Variants in HS3ST5 observed in about 807,000 individuals in gnomAD.
HS3ST5 encodes the protein heparan sulfate-glucosamine 3-sulfotransferase 5, also known as heparan sulfate glucosamine 3-O-sulfotransferase 5.
In HS3ST5, 10 loss-of-function variants were observed where a neutral mutation model predicts 25.4. The ratio of observed to expected loss-of-function variants is 0.39; its 90% CI spans 0.24 to 0.67. The LOEUF (loss-of-function observed/expected upper bound fraction) is 0.67. Ranked by LOEUF, HS3ST5 falls within the 30% of genes least tolerant of loss-of-function variation. HS3ST5 has a pLI of 0.44. For synonymous variants in HS3ST5, 170 were observed against 162.4 expected (o/e 1.05, Z -0.36); for missense variants, 324 against 420.7 (o/e 0.77, Z 2.01).
chr6:114,164,959 C>G (rs919673622), intron 3 of HS3ST5, among the ~76,000 whole-genome samples: 2 of 152,214 alleles, frequency 1.3e-5, no homozygotes, highest in Non-Finnish European at 2.9e-5. Flanking sequence ...CAGTCATCAG[C>G]CATAACTTAA....
intron 3 of HS3ST5, among the ~76,000 whole-genome samples, chr6:114,156,788 T>C (rs1021116127): frequency 6.6e-6 from 1 of 152,112 alleles, no homozygotes; most frequent in Non-Finnish European, 1.5e-5. Context: ...TTCCCTACCA[T>C]CTCTGTAGCT....
At chr6:114,177,445 G>C (rs1156984576) in intron 2 of HS3ST5, among the ~76,000 whole-genome samples, 3 of 152,140 alleles carry the variant, frequency 2.0e-5, no homozygotes, top group African/African-American at 7.2e-5. Flanking sequence ...CAACCACCCT[G>C]CTTTTGCTAA....
chr6:114,228,891 C>T (rs1325310726), intron 1 of HS3ST5, 113 bp from the exon 2 acceptor site: 1 of 152,176 alleles, frequency 6.6e-6, no homozygotes, highest in African/African-American at 2.4e-5. Flanking sequence ...GTTTGCTGCT[C>T]CCTGATTTAG....
intron 3 of HS3ST5, among the ~76,000 whole-genome samples, chr6:114,133,330 G>A (rs925490234): frequency 6.6e-6 from 1 of 152,178 alleles, no homozygotes; most frequent in Non-Finnish European, 1.5e-5. Context: ...TCTAGCCCAT[G>A]ACCCCACTGT....
At chr6:114,267,882 A>C (rs1017083270) in intron 1 of HS3ST5, among the ~76,000 whole-genome samples, 8 of 152,134 alleles carry the variant, frequency 5.3e-5, no homozygotes, top group Non-Finnish European at 1.2e-4. Flanking sequence ...AAAAACTTTT[A>C]TTATTAACCT....
At chr6:114,096,319 T>A (rs932624134) in intron 3 of HS3ST5, among the ~76,000 whole-genome samples, 2 of 152,204 alleles carry the variant, frequency 1.3e-5, no homozygotes, top group Non-Finnish European at 2.9e-5. Context: ...ATTTTGTATA[T>A]CTTTTCATCC....
intron 1 of HS3ST5, among the ~76,000 whole-genome samples, chr6:114,311,539 C>CTT (rs11463610): frequency 0.18 from 15,539 of 84,946 alleles, 2,507 homozygotes; most frequent in Non-Finnish European, 0.22. Flanking sequence ...TTCTCTCTCT[C>CTT]TTTTTTTTTT....
At chr6:114,298,352 T>C (rs2114799222) in intron 1 of HS3ST5, among the ~76,000 whole-genome samples, 1 of 152,356 alleles carries the variant, frequency 6.6e-6, no homozygotes, top group South Asian at 2.1e-4. Context: ...TTTCCACAGA[T>C]ACACTAATTC....
intron 3 of HS3ST5, among the ~76,000 whole-genome samples, chr6:114,090,382 T>C (rs1017163133): frequency 5.3e-5 from 8 of 152,220 alleles, no homozygotes; most frequent in Non-Finnish European, 1.0e-4. Context: ...AGGTGACTTA[T>C]TCTGAAGTAG....
rs553615454 is a variant in HS3ST5 at position 114,221,355 on chromosome 6, G to A, written c.-145+7230C>T. On this transcript the variant is annotated intron_variant, in intron 2 of 4. Transcript: ENST00000312719. ...ATATAGTACATAAAAATATGTATTC[G>A]AATTTAAAGTTCAGTCCTCATTTTT... Among the ~76,000 whole-genome samples, 188 of 151,792 alleles carry A rather than the reference G, an allele frequency of 1.2e-3. 1 individual carries two copies. The highest frequency in any genetic ancestry group is 3.2e-3 in the African/African-American group (131 of 41,494).
rs1308735593 is a variant in HS3ST5, at chr6:114,057,136, T to C, written c.*121A>G. 1.4e-6 allele frequency: 1 copy of C among 719,556 alleles called. No homozygotes were observed. Among genetic ancestry groups the C allele is most frequent in the Non-Finnish European group, 2.3e-6 (1 of 428,650 alleles). The allele number at this position is 719,556 out of a possible 1,614,324, so 44.6% of individuals were successfully genotyped here. On this transcript the variant is annotated 3_prime_UTR_variant, in exon 5 of 5. Coordinates refer to ENST00000312719, the MANE Select transcript of HS3ST5 (RefSeq NM_153612.4). ...CTTATATTTGGTCACACACTGCGTA[T>C]GTACAAATATACATGGAAAAATGAC...
At chr6:114,084,032 CAA>C (rs966439544) in intron 3 of HS3ST5, 23 of 554,124 alleles carry the variant, frequency 4.2e-5, no homozygotes, top group Non-Finnish European at 6.7e-5. Context: ...TTATATTGTA[CAA>C]ACACTTGGTC....
intron 2 of HS3ST5, among the ~76,000 whole-genome samples, chr6:114,182,158 G>A (rs1582689677): frequency 6.6e-6 from 1 of 152,126 alleles, no homozygotes; most frequent in South Asian, 2.1e-4. Flanking sequence ...AGTTATTACT[G>A]TTAGTGTTTC....
rs1028257861 is a variant in HS3ST5, at chr6:114,057,041, C to T, written c.*216G>A. 4.4e-5 allele frequency: 20 copies of T among 457,130 alleles called. No homozygotes were observed. The highest frequency in any genetic ancestry group is 3.5e-4 in the African/African-American group (18 of 50,892). 28.3% of individuals were successfully genotyped at this position (457,130 alleles called of 1,614,324 possible). On this transcript the variant is annotated 3_prime_UTR_variant, in exon 5 of 5. Coordinates refer to ENST00000312719, the MANE Select transcript of HS3ST5 (RefSeq NM_153612.4). ...ACCACCTCTTCTCTTTTGTAAATAG[C>T]TTAAAAGATGCGACTATGCAGACAG... is the stretch of plus-strand genomic sequence containing the variant.
At chr6:114,217,651 A>G (rs551247943) in intron 2 of HS3ST5, among the ~76,000 whole-genome samples, 5 of 152,186 alleles carry the variant, frequency 3.3e-5, no homozygotes, top group Non-Finnish European at 4.4e-5. Context: ...TTTAATTCCA[A>G]TAGTCCTAAG....
intron 3 of HS3ST5, among the ~76,000 whole-genome samples, chr6:114,087,941 A>T (rs1002508823): frequency 6.6e-6 from 1 of 152,204 alleles, no homozygotes; most frequent in Non-Finnish European, 1.5e-5. Flanking sequence ...TGCATGGTCT[A>T]ATATGGTAGT....
chr6:114,111,531 C>G (rs948298666), intron 3 of HS3ST5, among the ~76,000 whole-genome samples: 1 of 152,280 alleles, frequency 6.6e-6, no homozygotes, highest in East Asian at 1.9e-4. Flanking sequence ...CTCTGCCTCC[C>G]TGGGTGACAG....
intron 2 of HS3ST5, among the ~76,000 whole-genome samples, chr6:114,195,623 G>A (rs747310630): frequency 8.5e-5 from 13 of 152,152 alleles, no homozygotes; most frequent in African/African-American, 1.7e-4. Flanking sequence ...ATCACACTGT[G>A]GGGCAGAACT....
intron 2 of HS3ST5, among the ~76,000 whole-genome samples, chr6:114,194,840 T>A (rs1299261124): frequency 1.3e-5 from 2 of 152,236 alleles, no homozygotes; most frequent in African/African-American, 4.8e-5. Flanking sequence ...GGCCATCTCA[T>A]TCAGCATAAA....
Sources: allele counts gnomAD v4.1 joint callset (sites outside exome capture counted in the v4.1 genomes callset), GRCh38; gene constraint gnomAD v4.1.1; transcripts MANE v1.5; gene names NCBI Gene and HGNC (gene_info 2026-07-23, HGNC 2026-07-21).